ATP10A: variants seen among roughly 807,000 people sequenced by gnomAD.
The protein encoded by ATP10A is ATPase phospholipid transporting 10A (putative).
ATP10A carries 111 observed loss-of-function variants against 147.8 expected under a neutral mutation model. That is an observed-to-expected ratio of 0.75 (90% CI 0.64 to 0.88). The LOEUF is 0.88. ATP10A is among the 40% of genes least tolerant of loss of function. The probability of loss-of-function intolerance (pLI) is 0.00; values close to 1 mark genes in which losing one functional copy is unlikely to be tolerated. For missense variants in ATP10A, 1,927 were observed against 1,959.0 expected (o/e 0.98, Z 0.31); for synonymous variants, 875 against 841.6 (o/e 1.04, Z -0.69).
rs550885943 is a variant in ATP10A, at chr15:25,718,270, C to G, written c.1493G>C (p.Ser498Thr). 2.2e-4 allele frequency: 352 copies of G among 1,612,616 alleles called. 4 individuals carry two copies. The South Asian group carries it at 3.7e-3, about 17-fold the overall frequency. The change falls in exon 8 of 21, where the codon AGC becomes ACC. Residue 498 changes from serine (S) to threonine (T), a missense_variant. Ser to Thr is a moderately conservative substitution (Grantham distance 58). Transcript: ENST00000555815. Reference protein sequence around the residue: ...QSVRVVHRTQSTKSHRRTGSR... With the variant: ...QSVRVVHRTQTTKSHRRTGSR... Reference sequence around the variant, plus strand: ...GCCCGTGCGCCGGTGGGACTTGGTGCTCTGGGTTCTGTGCACCACCCGGAC... The same window carrying G: ...GCCCGTGCGCCGGTGGGACTTGGTGGTCTGGGTTCTGTGCACCACCCGGAC...
At chr15:25,689,292 C>G (rs911168165) in intron 15 of ATP10A, among the ~76,000 whole-genome samples, 3 of 152,236 alleles carry the variant, frequency 2.0e-5, no homozygotes, top group African/African-American at 7.2e-5. Flanking sequence ...CCTTGTATCC[C>G]TGGCTCCCAG....
downstream of ATP10A, among the ~76,000 whole-genome samples, chr15:25,676,101 G>T (rs1214553944): frequency 6.6e-6 from 1 of 152,230 alleles, no homozygotes; most frequent in African/African-American, 2.4e-5. Context: ...CTGCAGCAGT[G>T]GCAGGGTGAA....
intron 1 of ATP10A, among the ~76,000 whole-genome samples, chr15:25,795,478 A>G (rs531531117): frequency 6.6e-6 from 1 of 152,352 alleles, no homozygotes; most frequent in South Asian, 2.1e-4. Context: ...AAATAGGAAC[A>G]AGAACTGTTT....
chr15:25,778,769 C>A (rs945633578), intron 2 of ATP10A, among the ~76,000 whole-genome samples: 5 of 152,072 alleles, frequency 3.3e-5, no homozygotes, highest in Admixed American at 6.6e-5. Context: ...AAAGCACCAC[C>A]GAGCTATGAA....
downstream of ATP10A, among the ~76,000 whole-genome samples, chr15:25,672,502 G>C (rs1899064109): frequency 6.6e-6 from 1 of 152,180 alleles, no homozygotes; most frequent in African/African-American, 2.4e-5. Context: ...GTAGGTACCT[G>C]GAACTGTAAC....
chr15:25,721,682 A>G lies in ATP10A; in HGVS notation c.1338T>C (p.Gly446=), dbSNP rs750899501. 3.1e-6 allele frequency: 5 copies of G among 1,613,838 alleles called. No individual in the cohort carries two copies. The African/African-American group carries it at 5.3e-5, about 17-fold the overall frequency. ...CATTTGCATCATGAGAATATTCTAC[A>G]CCAGACACAGTGCATCTTCGGAAAA... The part of the protein sequence containing the change: ...KMVFRRCTVS[G]VEYSHDANAQ... The change falls in exon 7 of 21, where the codon GGT becomes GGC. Residue 446 remains glycine (G), a synonymous_variant. Coordinates refer to ENST00000555815, the MANE Select transcript of ATP10A (RefSeq NM_024490.4).
In ATP10A at chr15:25,698,905, G is replaced by A. The variant is rs142457692; in HGVS notation, c.2760+3011C>T. 7.8e-3 allele frequency among the ~76,000 whole-genome samples: 1,182 copies of A among 152,192 alleles called. 10 individuals carry two copies. Among genetic ancestry groups the A allele is most frequent in the South Asian group, 0.023 (112 of 4,808 alleles). Reference sequence around the variant, plus strand: ...ATCTAACAAAACATGTATATGATGTGTATGCTGAAAACTATAAAATGCTGA... The same window carrying A: ...ATCTAACAAAACATGTATATGATGTATATGCTGAAAACTATAAAATGCTGA... On this transcript the variant is annotated intron_variant, in intron 13 of 20. Coordinates refer to ENST00000555815, the MANE Select transcript of ATP10A (RefSeq NM_024490.4).
In ATP10A at chr15:25,745,104, TC is replaced by T. The variant is rs1331194812; in HGVS notation, c.655-8964del. Among the ~76,000 whole-genome samples the T allele has an allele frequency of 1.6e-4, 25 of 152,250 alleles. No homozygotes were observed. The South Asian group carries it at 3.5e-3, about 21-fold the overall frequency. ...ACTTTGGGAGGCTGAGGCAGGCAGATCACGACGTCATGGTCTTGAAAGACCA... is the reference window on the plus strand; with the variant it reads ...ACTTTGGGAGGCTGAGGCAGGCAGATACGACGTCATGGTCTTGAAAGACCA... On this transcript the variant is annotated intron_variant, in intron 2 of 20. Coordinates refer to ENST00000555815, the MANE Select transcript of ATP10A (RefSeq NM_024490.4).
intron 1 of ATP10A, among the ~76,000 whole-genome samples, chr15:25,787,739 G>A (rs1368649558): frequency 6.6e-6 from 1 of 152,132 alleles, no homozygotes; most frequent in Non-Finnish European, 1.5e-5. Context: ...CAGTCCATTT[G>A]CCAAAACCAC....
chr15:25,842,717 C>T (rs934503002), intron 1 of ATP10A, among the ~76,000 whole-genome samples: 1 of 151,952 alleles, frequency 6.6e-6, no homozygotes, highest in African/African-American at 2.4e-5. Flanking sequence ...ACTCCATAAT[C>T]AAGCAGACTT....
chr15:25,742,463 G>A (rs1403913699), intron 2 of ATP10A, among the ~76,000 whole-genome samples: 2 of 152,208 alleles, frequency 1.3e-5, no homozygotes, highest in South Asian at 2.1e-4. Flanking sequence ...GAACGCAGGC[G>A]CCAGCCTCCC....
At chr15:25,752,707 A>G (rs1423730562) in intron 2 of ATP10A, among the ~76,000 whole-genome samples, 3 of 152,196 alleles carry the variant, frequency 2.0e-5, no homozygotes, top group Admixed American at 6.5e-5. Context: ...AAAATTCATT[A>G]GGGTTTTGAC....
chr15:25,810,325 C>T (rs1891373249), intron 1 of ATP10A, among the ~76,000 whole-genome samples: 2 of 152,222 alleles, frequency 1.3e-5, no homozygotes, highest in Non-Finnish European at 2.9e-5. Context: ...GGGAGGACAG[C>T]TCTGTGAGTC....
At position 25,701,931 on chromosome 15, in the gene ATP10A, C is replaced by T; in HGVS notation, c.2745G>A (p.Leu915=). The T allele has an allele frequency of 2.5e-6, 4 of 1,605,928 alleles. No individual in the cohort carries two copies. The highest frequency in any genetic ancestry group is 2.6e-6 in the Non-Finnish European group (3 of 1,175,438). ...LLDHDEEVIT[L]NATSQEACAA... ...ACCCACCTACCTGGGAGGTGGCATT[C>T]AGGGTGATGACCTCCTCGTCGTGGT... Residue 915 remains leucine (L), a synonymous_variant, in exon 13 of 21, where the codon CTG becomes CTA. Coordinates refer to ENST00000555815, the MANE Select transcript of ATP10A (RefSeq NM_024490.4).
At chr15:25,688,224 G>A (rs954314267) in intron 15 of ATP10A, among the ~76,000 whole-genome samples, 3 of 152,190 alleles carry the variant, frequency 2.0e-5, no homozygotes, top group Non-Finnish European at 4.4e-5. Context: ...CACAACCCAA[G>A]GATGACCCAA....
intron 15 of ATP10A, among the ~76,000 whole-genome samples, chr15:25,691,483 TG>T (rs1269587044): frequency 6.6e-6 from 1 of 152,160 alleles, no homozygotes; most frequent in Non-Finnish European, 1.5e-5. Context: ...AATAGACTTG[TG>T]ACATGGGAAG....
chr15:25,699,501 C>T (rs566434301), intron 13 of ATP10A, among the ~76,000 whole-genome samples: 2 of 152,166 alleles, frequency 1.3e-5, no homozygotes, highest in East Asian at 3.9e-4. Context: ...TAGAATAAAA[C>T]ACAGGAGAAA....
intron 1 of ATP10A, among the ~76,000 whole-genome samples, chr15:25,848,476 TC>T (rs144927926): frequency 0.012 from 1,776 of 152,084 alleles, 34 homozygotes; most frequent in African/African-American, 0.041. Context: ...ATTTCACAAT[TC>T]TGGAGGTCAA....
At chr15:25,704,487 G>A (rs1354644087) in intron 12 of ATP10A, among the ~76,000 whole-genome samples, 1 of 152,154 alleles carries the variant, frequency 6.6e-6, no homozygotes, top group East Asian at 1.9e-4. Flanking sequence ...AGGCCTTGCC[G>A]GAAACTCCAG....
Sources: allele counts gnomAD v4.1 joint callset (sites outside exome capture counted in the v4.1 genomes callset), GRCh38; gene constraint gnomAD v4.1.1; transcripts MANE v1.5; gene names NCBI Gene and HGNC (gene_info 2026-07-23, HGNC 2026-07-21).